COP1: variants seen among roughly 807,000 people sequenced by gnomAD.
COP1 encodes COP1 E3 ubiquitin ligase, also known as E3 ubiquitin-protein ligase COP1.
A neutral mutation model predicts 101.3 loss-of-function variants in COP1; 24 were observed. The ratio of observed to expected loss-of-function variants is 0.24; its 90% CI spans 0.17 to 0.33. The LOEUF is 0.33. COP1 is among the 10% of genes least tolerant of loss of function. The probability of loss-of-function intolerance (pLI) is 1.00; values close to 1 mark genes in which losing one functional copy is unlikely to be tolerated. For synonymous variants in COP1, 347 were observed against 341.9 expected (o/e 1.01, Z -0.17); for missense variants, 663 against 906.2 (o/e 0.73, Z 3.45).
chr1:175,955,777 C>CACACACACACACACACAA lies in COP1; in HGVS notation c.2134-8539_2134-8538insTTGTGTGTGTGTGTGTGT, dbSNP rs1650564448. ...CATTTAGAGACAAACCACACACACA[C>CACACACACACACACACAA]ACACACACACACACACACACACACG... On this transcript the variant is annotated intron_variant, in intron 18 of 19. Transcript: ENST00000367669. Among the ~76,000 whole-genome samples, 5 of 149,720 alleles carry CACACACACACACACACAA rather than the reference C, an allele frequency of 3.3e-5. No homozygotes were observed. The South Asian group carries it at 1.1e-3, about 32-fold the overall frequency.
At chr1:176,009,936 T>C (rs1030836555) in intron 15 of COP1, among the ~76,000 whole-genome samples, 1 of 151,550 alleles carries the variant, frequency 6.6e-6, no homozygotes, top group African/African-American at 2.4e-5. Flanking sequence ...TGTCTTTATA[T>C]TTCTGAAGCA....
At chr1:176,096,941 G>A (rs912683078) in intron 9 of COP1, among the ~76,000 whole-genome samples, 9 of 152,148 alleles carry the variant, frequency 5.9e-5, no homozygotes, top group East Asian at 1.9e-4. Flanking sequence ...CCCGGGGTTC[G>A]ATCCTGGCTT....
chr1:176,049,651 G>GA (rs1672200895), intron 11 of COP1, among the ~76,000 whole-genome samples: 1 of 151,984 alleles, frequency 6.6e-6, no homozygotes, highest in Non-Finnish European at 1.5e-5. Flanking sequence ...TCTAGATACT[G>GA]AAACATTTGC....
At chr1:175,968,455 C>T in intron 18 of COP1, 1 of 519,126 alleles carries the variant, frequency 1.9e-6, no homozygotes, top group African/African-American at 1.9e-5. Context: ...ACAGAGACCT[C>T]CATATATTTA....
At chr1:176,118,971 A>C (rs1429517553) in intron 8 of COP1, among the ~76,000 whole-genome samples, 1 of 152,244 alleles carries the variant, frequency 6.6e-6, no homozygotes, top group Non-Finnish European at 1.5e-5. Context: ...CAAAAAATGC[A>C]GCACACAAAA....
chr1:176,046,364 T>C, intron 11 of COP1, 40 bp from the exon 12 acceptor site: 3 of 1,583,076 alleles, frequency 1.9e-6, no homozygotes, highest in Non-Finnish European at 1.7e-6. Flanking sequence ...TTTCAGAATT[T>C]GCTATTTTCT....
intron 9 of COP1, among the ~76,000 whole-genome samples, chr1:176,096,346 A>ACAGGCT (rs141964397): frequency 0.042 from 6,337 of 152,182 alleles, 156 homozygotes; most frequent in Non-Finnish European, 0.047. Context: ...TTAAATGGCC[A>ACAGGCT]CAGGCTCAGG....
At chr1:175,957,874 A>G (rs1293616283) in intron 18 of COP1, among the ~76,000 whole-genome samples, 1 of 152,212 alleles carries the variant, frequency 6.6e-6, no homozygotes, top group African/African-American at 2.4e-5. Context: ...AGGCAATAAC[A>G]CAAGCATTTC....
At chr1:175,989,584 T>C in intron 15 of COP1, 105 bp from the exon 16 acceptor site, 1 of 628,334 alleles carries the variant, frequency 1.6e-6, no homozygotes, top group South Asian at 1.9e-5. Context: ...ACATATGATG[T>C]CTAATCTCTA....
At chr1:175,974,039 G>A (rs1571326255) in intron 18 of COP1, among the ~76,000 whole-genome samples, 1 of 152,136 alleles carries the variant, frequency 6.6e-6, no homozygotes, top group Admixed American at 6.5e-5. Context: ...GTTGTTAGAT[G>A]TCACATAAAG....
At position 176,141,272 on chromosome 1, in the gene COP1, C is replaced by A. The variant is rs775243093; in HGVS notation, c.832-4725G>T. 2.6e-5 allele frequency among the ~76,000 whole-genome samples: 4 copies of A among 152,068 alleles called. No homozygotes were observed. In the East Asian group the frequency reaches 5.8e-4, roughly 22 times the overall value. ...AGCCCAACACTTTGGGAGGCTGAGGCGGGCAGATCACCTAAGGTCAGAGTT... is the reference window on the plus strand; with the variant it reads ...AGCCCAACACTTTGGGAGGCTGAGGAGGGCAGATCACCTAAGGTCAGAGTT... On this transcript the variant is annotated intron_variant, in intron 6 of 19. Transcript: ENST00000367669.
At chr1:176,033,108 A>G (rs949633737) in intron 14 of COP1, among the ~76,000 whole-genome samples, 7 of 152,166 alleles carry the variant, frequency 4.6e-5, no homozygotes, top group African/African-American at 1.7e-4. Flanking sequence ...AACTTATGCA[A>G]CTAAGAAAAT....
chr1:176,041,252 T>C (rs1670471481), intron 14 of COP1, among the ~76,000 whole-genome samples: 2 of 152,200 alleles, frequency 1.3e-5, no homozygotes, highest in Non-Finnish European at 2.9e-5. Flanking sequence ...CCATGTGGAA[T>C]GAATCTAAAA....
chr1:175,968,475 G>A (rs770027175), intron 18 of COP1: 163 of 518,962 alleles, frequency 3.1e-4, no homozygotes, highest in Admixed American at 2.2e-3. Context: ...ATGTAGGATC[G>A]CTGCAATCTG....
intron 18 of COP1, among the ~76,000 whole-genome samples, chr1:175,973,676 TAGAG>T (rs1372642955): frequency 6.6e-6 from 1 of 152,128 alleles, no homozygotes; most frequent in African/African-American, 2.4e-5. Context: ...ACACCCCCAT[TAGAG>T]ATGTGATATA....
At chr1:175,950,727 T>C (rs1386449795) in intron 18 of COP1, among the ~76,000 whole-genome samples, 2 of 152,216 alleles carry the variant, frequency 1.3e-5, no homozygotes, top group East Asian at 1.9e-4. Context: ...CCCAATATTT[T>C]TTTCTGACTA....
intron 14 of COP1, among the ~76,000 whole-genome samples, chr1:176,038,764 G>A (rs1670008753): frequency 1.3e-5 from 2 of 150,750 alleles, no homozygotes; most frequent in Admixed American, 6.6e-5. Flanking sequence ...GTTGTGGTGA[G>A]CCAAGATCAT....
chr1:176,149,095 T>A lies in COP1; in HGVS notation c.763-21A>T, dbSNP rs757247239. The A allele has an allele frequency of 1.4e-4, 214 of 1,496,426 alleles. 4 individuals carry two copies. The South Asian group carries it at 1.4e-3, about 10-fold the overall frequency. 92.7% of individuals were successfully genotyped at this position (1,496,426 alleles called of 1,614,324 possible). ...GATTCCTACAATAGAAAATTATAAT[T>A]TTTCTTTTAAAAAATATAACTGAGT... On this transcript the variant is annotated intron_variant, in intron 5 of 19. Coordinates refer to ENST00000367669, the MANE Select transcript of COP1 (RefSeq NM_022457.7).
chr1:176,076,148 C>T (rs1221261238), intron 11 of COP1, among the ~76,000 whole-genome samples: 1 of 151,974 alleles, frequency 6.6e-6, no homozygotes, highest in East Asian at 1.9e-4. Context: ...GAGTACTACA[C>T]CCAACAACCA....
Sources: allele counts gnomAD v4.1 joint callset (sites outside exome capture counted in the v4.1 genomes callset), GRCh38; gene constraint gnomAD v4.1.1; transcripts MANE v1.5; gene names NCBI Gene and HGNC (gene_info 2026-07-23, HGNC 2026-07-21).